ATM: variants seen among roughly 807,000 people sequenced by gnomAD.
ATM encodes the protein ATM serine/threonine kinase, also known as serine-protein kinase ATM.
A neutral mutation model predicts 387.0 loss-of-function variants in ATM; 308 were observed. The ratio of observed to expected loss-of-function variants is 0.80; its 90% CI spans 0.73 to 0.87. The LOEUF (loss-of-function observed/expected upper bound fraction) is 0.87. Ranked by LOEUF, ATM falls within the 40% of genes least tolerant of loss-of-function variation. The pLI is 0.00. For missense variants in ATM, 3,312 were observed against 3,560.9 expected (o/e 0.93, Z 1.78); for synonymous variants, 1,156 against 1,187.3 (o/e 0.97, Z 0.54).
chr11:108,307,684 T>C (rs1179864764), intron 37 of ATM, among the ~76,000 whole-genome samples: 1 of 152,202 alleles, frequency 6.6e-6, no homozygotes, highest in African/African-American at 2.4e-5. Context: ...TGAAATAAAA[T>C]ATAAATTACA....
intron 28 of ATM, 82 bp from the exon 29 acceptor site, chr11:108,289,520 T>G: frequency 9.4e-7 from 1 of 1,067,424 alleles, no homozygotes; most frequent in South Asian, 1.7e-5. Flanking sequence ...TATTCAAATA[T>G]TTGAAGAAAA....
chr11:108,347,252 C>A (rs1467251872), intron 58 of ATM, 27 bp from the exon 59 acceptor site: 3 of 1,494,162 alleles, frequency 2.0e-6, no homozygotes, highest in Non-Finnish European at 2.8e-6. Context: ...TCAGTGATTT[C>A]AGATTGTTTG....
Position 108,365,708 on chromosome 11 carries a change from C to G in ATM, c.*200C>G, listed in dbSNP as rs988427500. 7 of 705,332 alleles carry G rather than the reference C, an allele frequency of 9.9e-6. 1 individual carries two copies. In the South Asian group the frequency reaches 1.4e-4, roughly 14 times the overall value. 43.7% of individuals were successfully genotyped at this position (705,332 alleles called of 1,614,324 possible). A position where few individuals can be genotyped will look rare whatever the true frequency, so the allele number is the denominator to read the frequency against. On this transcript the variant is annotated 3_prime_UTR_variant, in exon 63 of 63. Transcript: ENST00000675843. ...GTCTTAAGGAACATCTCTGCTTTCA[C>G]TCTTTAGAAATAATGGTCATTCGGG... is the stretch of plus-strand genomic sequence containing the variant.
At chr11:108,252,632 C>A (rs556930235) in intron 11 of ATM, among the ~76,000 whole-genome samples, 185 bp from the exon 12 acceptor site, 4 of 152,114 alleles carry the variant, frequency 2.6e-5, no homozygotes, top group Non-Finnish European at 5.9e-5. Context: ...ATGATAATAA[C>A]AATGGTTGTC....
In ATM at chr11:108,292,648, G is replaced by A. The variant is rs201594549; in HGVS notation, c.4466G>A (p.Arg1489His). 23 of 1,613,286 alleles carry A rather than the reference G, an allele frequency of 1.4e-5. No individual in the cohort carries two copies. Among genetic ancestry groups the A allele is most frequent in the East Asian group, 2.2e-5 (1 of 44,832 alleles). Residue 1489 changes from arginine to histidine, a missense_variant, in exon 30 of 63, where the codon CGT (arginine) becomes CAT (histidine). Physicochemically the swap from Arg to His is conservative, Grantham distance 29. Coordinates refer to ENST00000675843, the MANE Select transcript of ATM (RefSeq NM_000051.4). ...TCTTGTATCATGGATGTGTCATTAC[G>A]TAGCTTCTCCCTTTGTTGTGACTTA... ...RPSCIMDVSLRSFSLCCDLLS... is the reference protein window; with the variant it reads ...RPSCIMDVSLHSFSLCCDLLS...
chr11:108,305,055 A>G (rs1022111593), intron 37 of ATM, among the ~76,000 whole-genome samples: 2 of 152,218 alleles, frequency 1.3e-5, no homozygotes, highest in African/African-American at 4.8e-5. Flanking sequence ...TGCCTAGGAT[A>G]GTACTTGATG....
chr11:108,291,340 CT>C (rs573356748), intron 29 of ATM, among the ~76,000 whole-genome samples: 30 of 152,160 alleles, frequency 2.0e-4, no homozygotes, highest in South Asian at 2.1e-4. Flanking sequence ...TTTTTAAGGT[CT>C]TTTTTATTGT....
intron 5 of ATM, among the ~76,000 whole-genome samples, chr11:108,238,401 C>T (rs1184643229): frequency 2.6e-5 from 4 of 152,088 alleles, no homozygotes; most frequent in African/African-American, 9.7e-5. Flanking sequence ...ATACCCTTCC[C>T]TTGACCTCCC....
intron 11 of ATM, among the ~76,000 whole-genome samples, 186 bp from the exon 12 acceptor site, chr11:108,252,631 A>G (rs1319794591): frequency 1.3e-5 from 2 of 152,220 alleles, no homozygotes; most frequent in African/African-American, 2.4e-5. Flanking sequence ...AATGATAATA[A>G]CAATGGTTGT....
intron 16 of ATM, 138 bp downstream of exon 16, chr11:108,259,213 G>A: frequency 1.3e-6 from 1 of 798,260 alleles, no homozygotes; most frequent in Non-Finnish European, 2.1e-6. Context: ...ATTAAGGCCA[G>A]GTGCGGTGGC....
chr11:108,357,931 C>A (rs1160842923), intron 61 of ATM, among the ~76,000 whole-genome samples: 1 of 150,780 alleles, frequency 6.6e-6, no homozygotes, highest in Non-Finnish European at 1.5e-5. Flanking sequence ...AGCAACGGAA[C>A]AAAGCTGGAT....
At chr11:108,270,515 G>A (rs534940999) in intron 18 of ATM, among the ~76,000 whole-genome samples, 1 of 152,126 alleles carries the variant, frequency 6.6e-6, no homozygotes, top group South Asian at 2.1e-4. Flanking sequence ...ACTGATGAGG[G>A]TACGAAGGCC....
rs2084602309 is a variant in ATM at position 108,315,958 on chromosome 11, A to G, written c.6095+47A>G. 1.2e-6 allele frequency: 2 copies of G among 1,607,708 alleles called. No homozygotes were observed. The highest frequency in any genetic ancestry group is 8.5e-7 in the Non-Finnish European group (1 of 1,174,198). Reference sequence around the variant, plus strand: ...AACGGTATAGTAATTCTGTTTATGAAGGAGTTATGTGTGTGTAAAACCCAA... The same window carrying G: ...AACGGTATAGTAATTCTGTTTATGAGGGAGTTATGTGTGTGTAAAACCCAA... On this transcript the variant is annotated intron_variant, in intron 41 of 62. Transcript: ENST00000675843.
At chr11:108,357,225 C>A (rs1034443871) in intron 61 of ATM, among the ~76,000 whole-genome samples, 1 of 152,200 alleles carries the variant, frequency 6.6e-6, no homozygotes, top group South Asian at 2.1e-4. Context: ...CCGAATATTG[C>A]GCTTTTTGGA....
At chr11:108,228,939 G>A (rs1345958441) in intron 3 of ATM, among the ~76,000 whole-genome samples, 1 of 152,206 alleles carries the variant, frequency 6.6e-6, no homozygotes, top group East Asian at 1.9e-4. Context: ...AAAACAGGCA[G>A]TAAAGCAATA....
chr11:108,322,934 G>C (rs2085339946), intron 45 of ATM, among the ~76,000 whole-genome samples: 1 of 151,680 alleles, frequency 6.6e-6, no homozygotes, highest in African/African-American at 2.4e-5. Context: ...AGTCTGGCAG[G>C]ATGACAAAGT....
chr11:108,251,668 C>T lies in ATM; in HGVS notation c.1608-169C>T, dbSNP rs151131186. Reference sequence around the variant, plus strand: ...TGTAGTACTATGCACTGTTAATAAACGAGCTATTTTTTAATCAAGAATCTT... The same window carrying T: ...TGTAGTACTATGCACTGTTAATAAATGAGCTATTTTTTAATCAAGAATCTT... On this transcript the variant is annotated intron_variant, in intron 10 of 62. Transcript: ENST00000675843. Among the ~76,000 whole-genome samples the T allele has an allele frequency of 8.5e-4, 129 of 152,210 alleles. 1 individual carries two copies. The highest frequency in any genetic ancestry group is 2.6e-3 in the African/African-American group (107 of 41,532).
At chr11:108,244,553 A>T (rs529341304) in intron 6 of ATM, among the ~76,000 whole-genome samples, 8 of 152,318 alleles carry the variant, frequency 5.3e-5, no homozygotes, top group Non-Finnish European at 1.0e-4. Context: ...ACAATGTTTT[A>T]GCAGGAGGGA....
At chr11:108,342,620 G>C (rs2087725834) in intron 56 of ATM, among the ~76,000 whole-genome samples, 1 of 152,088 alleles carries the variant, frequency 6.6e-6, no homozygotes, top group African/African-American at 2.4e-5. Flanking sequence ...TCCTAGATTT[G>C]ATAAAGCTGT....
Sources: gnomAD v4.1 joint callset for allele counts (sites outside exome capture counted in the v4.1 genomes callset) on GRCh38, gnomAD v4.1.1 for gene constraint, MANE v1.5 for transcripts, NCBI Gene and HGNC (gene_info 2026-07-23, HGNC 2026-07-21) for gene names.